CHN2: variants seen among roughly 807,000 people sequenced by gnomAD.
CHN2 encodes beta-chimaerin.
A neutral mutation model predicts 56.3 loss-of-function variants in CHN2; 35 were observed. That is an observed-to-expected ratio of 0.62 (90% CI 0.47 to 0.82). The LOEUF (loss-of-function observed/expected upper bound fraction) is 0.82. Ranked by LOEUF, CHN2 falls within the 40% of genes least tolerant of loss-of-function variation. The pLI, the probability that CHN2 is intolerant of heterozygous loss-of-function variation, is 0.00. For missense variants in CHN2, 491 were observed against 580.5 expected, an observed-to-expected ratio of 0.85 and a Z score of 1.58; for synonymous variants, 210 against 212.8, an observed-to-expected ratio of 0.99 and a Z score of 0.12.
At chr7:29,342,821 T>A (rs1009274115) in intron 1 of CHN2, among the ~76,000 whole-genome samples, 7 of 152,250 alleles carry the variant, frequency 4.6e-5, no homozygotes, top group African/African-American at 7.2e-5. Context: ...GATATGTACA[T>A]GTGGCCAGGG....
At chr7:29,368,018 G>A in intron 3 of CHN2, 31 bp downstream of exon 3, 1 of 1,577,780 alleles carries the variant, frequency 6.3e-7, no homozygotes, top group Non-Finnish European at 8.6e-7. Context: ...AATACACCTT[G>A]TTAAATATGA....
chr7:29,500,750 C>G (rs1436570532), intron 9 of CHN2, among the ~76,000 whole-genome samples: 1 of 152,146 alleles, frequency 6.6e-6, no homozygotes, highest in African/African-American at 2.4e-5. Flanking sequence ...ACACATACAT[C>G]TCCTACCACA....
chr7:29,465,376 G>A (rs1785476599), intron 6 of CHN2, among the ~76,000 whole-genome samples: 1 of 152,198 alleles, frequency 6.6e-6, no homozygotes, highest in Non-Finnish European at 1.5e-5. Context: ...AATCATGAAA[G>A]TTTATTCATT....
At position 29,262,724 on chromosome 7, in the gene CHN2, C is replaced by T. The variant is rs142128771; in HGVS notation, c.49+67734C>T. Among the ~76,000 whole-genome samples the T allele has an allele frequency of 4.9e-3, 742 of 152,084 alleles. 6 individuals are homozygous for T. Among genetic ancestry groups the T allele is most frequent in the African/African-American group, 0.017 (707 of 41,478 alleles). The stretch of plus-strand genomic sequence containing the variant: ...AAGATGGATGGTGGTGATGGTTTTA[C>T]AACAGTGTGAATGTGATTAATGCCA... On this transcript the variant is annotated intron_variant, in intron 1 of 12. Transcript: ENST00000222792.
chr7:29,431,251 A>G (rs1195178817), intron 6 of CHN2, among the ~76,000 whole-genome samples: 1 of 152,132 alleles, frequency 6.6e-6, no homozygotes, highest in Non-Finnish European at 1.5e-5. Flanking sequence ...CCCTACCATC[A>G]CTTTCAATCT....
intron 1 of CHN2, among the ~76,000 whole-genome samples, chr7:29,345,267 A>G (rs1797340494): frequency 6.6e-6 from 1 of 152,260 alleles, no homozygotes. Flanking sequence ...CAAGATAAAT[A>G]GGTTCCTACT....
In CHN2 at chr7:29,170,498, C is replaced by T. The variant is rs151092982; in HGVS notation, c.274+23538C>T. On this transcript the variant is annotated intron_variant, in intron 2 of 6. Coordinates refer to the CHN2 transcript ENST00000439384. ...TTTTCTCCAATTGTTCATCTGGGGA[C>T]GAATTTAAGTAATTTGTACATGTCC... 2.8e-3 allele frequency among the ~76,000 whole-genome samples: 419 copies of T among 152,182 alleles called. 2 individuals carry two copies. The highest frequency in any genetic ancestry group is 9.4e-3 in the African/African-American group (390 of 41,522).
chr7:29,440,198 T>C (rs552093164), intron 6 of CHN2, among the ~76,000 whole-genome samples: 78 of 152,328 alleles, frequency 5.1e-4, no homozygotes, highest in African/African-American at 1.8e-3. Flanking sequence ...TTTATCTGCA[T>C]TAAATATGCT....
chr7:29,158,892 T>C (rs1390909602), intron 2 of CHN2, among the ~76,000 whole-genome samples: 1 of 152,244 alleles, frequency 6.6e-6, no homozygotes, highest in African/African-American at 2.4e-5. Context: ...TTGGGGGCTT[T>C]CATTTTGTTC....
rs1487467388 is a variant in CHN2 at position 29,239,666 on chromosome 7, T to C, written c.49+44676T>C. Among the ~76,000 whole-genome samples the C allele has an allele frequency of 2.0e-5, 3 of 152,208 alleles. No individual in the cohort carries two copies. The East Asian group carries it at 5.8e-4, about 29-fold the overall frequency. ...TCTTGTCCCATTGGTTCAGGGCTTCTTCCCACATTCTGATCTGATTCCTCC... is the reference window on the plus strand; with the variant it reads ...TCTTGTCCCATTGGTTCAGGGCTTCCTCCCACATTCTGATCTGATTCCTCC... On this transcript the variant is annotated intron_variant, in intron 1 of 12. Transcript: ENST00000222792.
At chr7:29,184,332 A>G (rs1798453000) in intron 2 of CHN2, 2 of 151,754 alleles carry the variant, frequency 1.3e-5, no homozygotes, top group African/African-American at 4.8e-5. Context: ...TCATACATCT[A>G]TGTATCTCAT....
intron 7 of CHN2, among the ~76,000 whole-genome samples, chr7:29,483,586 A>C (rs915468035): frequency 3.9e-5 from 6 of 152,244 alleles, no homozygotes; most frequent in Non-Finnish European, 7.3e-5. Flanking sequence ...ACTCCTCTCT[A>C]AAATGAAAAC....
intron 1 of CHN2, among the ~76,000 whole-genome samples, chr7:29,305,029 T>G (rs1794031878): frequency 6.6e-6 from 1 of 152,170 alleles, no homozygotes; most frequent in South Asian, 2.1e-4. Flanking sequence ...GGGTTCAACT[T>G]AGATCCTGTC....
At chr7:29,167,802 TC>T (rs1796101005) in intron 2 of CHN2, among the ~76,000 whole-genome samples, 1 of 152,232 alleles carries the variant, frequency 6.6e-6, no homozygotes, top group Non-Finnish European at 1.5e-5. Context: ...GAATTGCACT[TC>T]CTAAATCCTT....
chr7:29,439,953 A>G (rs1783507757), intron 6 of CHN2, among the ~76,000 whole-genome samples: 1 of 152,246 alleles, frequency 6.6e-6, no homozygotes, highest in Admixed American at 6.5e-5. Context: ...AACTGGTTCA[A>G]GTTCCACCTA....
Position 29,339,885 on chromosome 7 carries a change from A to G in CHN2, c.50-14740A>G, listed in dbSNP as rs3793284. The stretch of plus-strand genomic sequence containing the variant: ...AAAAAATAATAACAATACTGTATAT[A>G]ATAATATAATATATATGCCAATATA... On this transcript the variant is annotated intron_variant, in intron 1 of 12. Coordinates refer to ENST00000222792, the MANE Select transcript of CHN2 (RefSeq NM_004067.4). Among the ~76,000 whole-genome samples the G allele has an allele frequency of 2.5e-3, 380 of 151,926 alleles. 14 individuals are homozygous for G. In the East Asian group the frequency reaches 0.059, roughly 23 times the overall value.
Position 29,469,584 on chromosome 7 carries a change from CTGGAA to C in CHN2, c.577-10692_577-10688del, listed in dbSNP as rs142250242. 9.4e-3 allele frequency among the ~76,000 whole-genome samples: 1,429 copies of C among 152,300 alleles called. 17 individuals carry two copies. The highest frequency in any genetic ancestry group is 0.014 in the Non-Finnish European group (972 of 68,026). ...GCCTTGCATGTGCTGTACCCTCTGC[CTGGAA>C]TGTTCTTCCTCCAGATGTCAGCATG... is the stretch of plus-strand genomic sequence containing the variant. On this transcript the variant is annotated intron_variant, in intron 6 of 12. Coordinates refer to ENST00000222792, the MANE Select transcript of CHN2 (RefSeq NM_004067.4).
chr7:29,257,872 C>T (rs1047665416), intron 1 of CHN2, among the ~76,000 whole-genome samples: 2 of 152,032 alleles, frequency 1.3e-5, no homozygotes, highest in Admixed American at 6.6e-5. Flanking sequence ...ACTGCAGCTT[C>T]GACCTCTTGG....
chr7:29,234,720 G>T (rs1230779950), intron 1 of CHN2, among the ~76,000 whole-genome samples: 3 of 152,204 alleles, frequency 2.0e-5, no homozygotes, highest in Non-Finnish European at 2.9e-5. Context: ...GCAATGTCAT[G>T]TCCCGTCACA....
Sources: allele counts gnomAD v4.1 joint callset (sites outside exome capture counted in the v4.1 genomes callset), GRCh38; gene constraint gnomAD v4.1.1; transcripts MANE v1.5; gene names NCBI Gene and HGNC (gene_info 2026-07-23, HGNC 2026-07-21).